ARSH: variants seen among roughly 807,000 people sequenced by gnomAD.
ARSH encodes the protein arylsulfatase family member H, also known as arylsulfatase H.
A neutral mutation model predicts 28.7 loss-of-function variants in ARSH; 32 were observed. That is an observed-to-expected ratio of 1.11 (90% CI 0.84 to 1.50). ARSH has a LOEUF of 1.50. Ranked by LOEUF, ARSH falls within the 40% of genes most tolerant of loss-of-function variation. The pLI is 0.00. For synonymous variants in ARSH, 176 were observed against 177.3 expected (o/e 0.99, Z 0.06); for missense variants, 440 against 452.4 (o/e 0.97, Z 0.25).
chrX:3,019,096 C>A (rs951496332), intron 5 of ARSH, among the ~76,000 whole-genome samples: 2 of 109,946 alleles, frequency 1.8e-5, no homozygotes, highest in Non-Finnish European at 3.8e-5. Flanking sequence ...GAAACCCCAT[C>A]TCTACTGAAA....
Position 3,013,031 on chromosome X carries a change from A to G in ARSH, c.215-16A>G. The G allele has an allele frequency of 1.7e-6, 2 of 1,207,120 alleles. No homozygotes were observed. The highest frequency in any genetic ancestry group is 2.2e-6 in the Non-Finnish European group (2 of 893,482). ...CAAAGACTATGGTGCTAACTTATTG[A>G]CTTCTGTGAATTTAGGGATGGTGTC... On this transcript the variant is annotated splice_polypyrimidine_tract_variant and intron_variant, in intron 2 of 8. Transcript: ENST00000381130.
intron 4 of ARSH, 54 bp from the exon 5 acceptor site, chrX:3,018,480 A>G (rs2089871911): frequency 2.6e-6 from 3 of 1,161,053 alleles, no homozygotes; most frequent in Non-Finnish European, 2.3e-6. Flanking sequence ...CATTTAAATG[A>G]TGGAAATGAC....
rs1463627190 is a variant in ARSH, at chrX:3,016,151, C to T, written c.764+758C>T. 2.8e-5 allele frequency among the ~76,000 whole-genome samples: 3 copies of T among 108,917 alleles called. No homozygotes were observed. In the East Asian group the frequency reaches 8.7e-4, roughly 32 times the overall value. 94.6% of individuals were successfully genotyped at this position (108,917 alleles called of 115,157 possible). A position where few individuals can be genotyped will look rare whatever the true frequency, so the allele number is the denominator to read the frequency against. ...TCAGCCTCCAGAGTAGCTGAGACTA[C>T]AGGCACCTACAGGATGCCTGGCTAA... On this transcript the variant is annotated intron_variant, in intron 4 of 8. Coordinates refer to ENST00000381130, the MANE Select transcript of ARSH (RefSeq NM_001011719.2).
Position 3,033,170 on chromosome X carries a change from G to A in ARSH, c.1474G>A (p.Ala492Thr), listed in dbSNP as rs1365601588. The part of the protein sequence containing the change: ...LFDISRDPSE[A>T]LPLNPDNEPL... ...TGACATCTCAAGAGACCCTTCAGAA[G>A]CCCTTCCACTGAACCCTGACAATGA... Residue 492 changes from alanine to threonine, a missense_variant, in exon 9 of 9, where the codon GCC (alanine) becomes ACC (threonine). Coordinates refer to ENST00000381130, the MANE Select transcript of ARSH (RefSeq NM_001011719.2). 8.3e-7 allele frequency: 1 copy of A among 1,209,306 alleles called. No homozygotes were observed. Among genetic ancestry groups the A allele is most frequent in the Non-Finnish European group, 1.1e-6 (1 of 895,109 alleles).
intron 1 of ARSH, 48 bp downstream of exon 1, chrX:3,006,752 C>G: frequency 9.7e-7 from 1 of 1,031,670 alleles, no homozygotes; most frequent in African/African-American, 1.9e-5. Context: ...GTCTCCCTTA[C>G]CACAGTGTTC....
Position 3,015,088 on chromosome X carries a change from A to G in ARSH, c.459A>G (p.Ala153=). The G allele has an allele frequency of 8.3e-7, 1 of 1,210,766 alleles. No individual in the cohort carries two copies. Among genetic ancestry groups the G allele is most frequent in the East Asian group, 3.0e-5 (1 of 33,812 alleles). Residue 153 remains alanine, a synonymous_variant, in exon 4 of 9, where the codon GCA becomes GCG. Coordinates refer to ENST00000381130, the MANE Select transcript of ARSH (RefSeq NM_001011719.2). ...TTGGACTTTTAAGCGACTGCCAGGC[A>G]TCCAAGACACCAGAACTGCACCGCT... The part of the protein sequence containing the change: ...VPFGLLSDCQ[A]SKTPELHRWL...
chrX:3,007,811 G>T (rs1021761594), intron 1 of ARSH, among the ~76,000 whole-genome samples: 4 of 110,456 alleles, frequency 3.6e-5, no homozygotes, highest in African/African-American at 1.3e-4. Context: ...CTGCAGGGCT[G>T]GTTCCTCCTG....
intron 2 of ARSH, among the ~76,000 whole-genome samples, chrX:3,012,568 A>AATATATATATATATAT (rs1183166715): frequency 4.6e-5 from 1 of 21,812 alleles, no homozygotes; most frequent in African/African-American, 2.5e-4. Flanking sequence ...AAAAAAAAAA[A>AATATATATATATATAT]ATATATATAT....
chrX:3,024,824 C>T (rs1258240196), intron 6 of ARSH, among the ~76,000 whole-genome samples: 1 of 111,192 alleles, frequency 9.0e-6, no homozygotes, highest in African/African-American at 3.3e-5. Flanking sequence ...ATGGCACCCA[C>T]TCTTAGGCAT....
In ARSH at chrX:3,027,825, G is replaced by A. The variant is rs528465516; in HGVS notation, c.1199+350G>A. Among the ~76,000 whole-genome samples, 8 of 112,069 alleles carry A rather than the reference G, an allele frequency of 7.1e-5. No individual in the cohort carries two copies. The South Asian group carries it at 3.0e-3, about 42-fold the overall frequency. On this transcript the variant is annotated intron_variant, in intron 7 of 8. Transcript: ENST00000381130. ...AATAAAAACATGTATGCCTAGAGCA[G>A]GTGCGGTGGCTCGTGCCTGTAATCC...
chrX:3,012,971 G>C (rs1346649742), intron 2 of ARSH, 76 bp from the exon 3 acceptor site: 1 of 1,117,823 alleles, frequency 8.9e-7, no homozygotes, highest in Non-Finnish European at 1.2e-6. Flanking sequence ...CGGGAGGAGA[G>C]GACTTTAAGC....
chrX:3,020,493 G>A (rs1296473217), intron 5 of ARSH, among the ~76,000 whole-genome samples: 1 of 102,609 alleles, frequency 9.7e-6, no homozygotes, highest in African/African-American at 3.5e-5. Context: ...GGAGGCTGAG[G>A]CAGGAGAATG....
chrX:3,008,028 G>C (rs967576196), intron 1 of ARSH, among the ~76,000 whole-genome samples: 1 of 111,859 alleles, frequency 8.9e-6, no homozygotes, highest in Non-Finnish European at 1.9e-5. Context: ...GGTCCTGGGG[G>C]TTAGGACTTC....
intron 5 of ARSH, among the ~76,000 whole-genome samples, chrX:3,020,274 CAAAAAAA>C (rs59713321): frequency 2.2e-4 from 3 of 13,837 alleles, no homozygotes; most frequent in Non-Finnish European, 3.1e-4. Context: ...GACCCCGTCT[CAAAAAAA>C]AAAAAAAAAA....
In ARSH at chrX:3,018,602, A is replaced by G. The variant is rs1213686182; in HGVS notation, c.833A>G (p.Lys278Arg). 1.3e-5 allele frequency: 16 copies of G among 1,209,181 alleles called. 1 individual carries two copies. The highest frequency in any genetic ancestry group is 1.7e-5 in the Non-Finnish European group (15 of 894,796). The change falls in exon 5 of 9, where the codon AAG (lysine) becomes AGG (arginine). Residue 278 changes from lysine to arginine, a missense_variant. Coordinates refer to ENST00000381130, the MANE Select transcript of ARSH (RefSeq NM_001011719.2). The stretch of plus-strand genomic sequence containing the variant: ...GTACATACTCCACTCATCTCCAAAA[A>G]GAAGTTTGTTGGGCGCAGTAAATAT... Reference protein sequence around the residue: ...LHVHTPLISKKKFVGRSKYGR... With the variant: ...LHVHTPLISKRKFVGRSKYGR...
rs749196308 is a variant in ARSH, at chrX:3,027,427, T to G, written c.1151T>G (p.Ile384Ser). 1.7e-6 allele frequency: 2 copies of G among 1,211,538 alleles called. No homozygotes were observed. The highest frequency in any genetic ancestry group is 1.8e-5 in the South Asian group (1 of 56,965). The change falls in exon 7 of 9, where the codon ATC becomes AGC. Residue 384 changes from isoleucine (I) to serine (S), a missense_variant. Physicochemically the swap from Ile to Ser is moderately radical, Grantham distance 142. Coordinates refer to ENST00000381130, the MANE Select transcript of ARSH (RefSeq NM_001011719.2). ...VINEPTSLMDIYPTLSYIGGG... is the reference protein window; with the variant it reads ...VINEPTSLMDSYPTLSYIGGG... Reference sequence around the variant, plus strand: ...AATGAGCCCACCAGCTTAATGGACATCTATCCGACGCTGTCTTATATAGGC... The same window carrying G: ...AATGAGCCCACCAGCTTAATGGACAGCTATCCGACGCTGTCTTATATAGGC...
intron 4 of ARSH, among the ~76,000 whole-genome samples, chrX:3,016,579 A>C (rs1350651698): frequency 9.1e-6 from 1 of 109,656 alleles, no homozygotes; most frequent in East Asian, 2.9e-4. Flanking sequence ...GTTACAAATT[A>C]TTACTATTAT....
intron 1 of ARSH, among the ~76,000 whole-genome samples, chrX:3,009,790 C>T (rs1016200304): frequency 9.0e-6 from 1 of 111,584 alleles, no homozygotes; most frequent in Non-Finnish European, 1.9e-5. Flanking sequence ...AACTGTATAC[C>T]GAGTGACCTG....
chrX:3,024,026 A>T lies in ARSH; in HGVS notation c.907A>T (p.Ile303Phe). The T allele has an allele frequency of 8.3e-7, 1 of 1,209,945 alleles. No homozygotes were observed. The highest frequency in any genetic ancestry group is 1.1e-6 in the Non-Finnish European group (1 of 894,876). The change falls in exon 6 of 9, where the codon ATC (isoleucine) becomes TTC (phenylalanine). Residue 303 changes from isoleucine (I) to phenylalanine (F), a missense_variant. Physicochemically the swap from Ile to Phe is conservative, Grantham distance 21. Transcript: ENST00000381130. The part of the protein sequence containing the change: ...VEEMDWMVGK[I>F]LDALDQERLA... Reference sequence around the variant, plus strand: ...GTGTCTCTGACCCTCTCCAGGTAAAATCCTGGATGCCCTGGACCAGGAGCG... The same window carrying T: ...GTGTCTCTGACCCTCTCCAGGTAAATTCCTGGATGCCCTGGACCAGGAGCG...
Sources: gnomAD v4.1 joint callset for allele counts (sites outside exome capture counted in the v4.1 genomes callset) on GRCh38, gnomAD v4.1.1 for gene constraint, MANE v1.5 for transcripts, NCBI Gene and HGNC (gene_info 2026-07-23, HGNC 2026-07-21) for gene names.